GCFC2: variants seen among roughly 807,000 people sequenced by gnomAD.
GCFC2 encodes intron Large complex component GCFC2.
A neutral mutation model predicts 99.4 loss-of-function variants in GCFC2; 102 were observed. The observed-to-expected ratio is 1.03, with a 90% confidence interval of 0.87 to 1.21. GCFC2 has a LOEUF of 1.21. Ranked by LOEUF, GCFC2 falls within the 50% of genes most tolerant of loss-of-function variation. The probability of loss-of-function intolerance (pLI) is 0.00; values close to 1 mark genes in which losing one functional copy is unlikely to be tolerated. For synonymous variants in GCFC2, 338 were observed against 316.8 expected, an observed-to-expected ratio of 1.07 and a Z score of -0.71; for missense variants, 973 against 920.9, an observed-to-expected ratio of 1.06 and a Z score of -0.73.
chr2:75,698,452 T>C (rs897308808), intron 4 of GCFC2, among the ~76,000 whole-genome samples: 11 of 152,206 alleles, frequency 7.2e-5, no homozygotes, highest in Non-Finnish European at 1.6e-4. Context: ...TGGTTAAGAT[T>C]ATGATTCAGT....
rs569656069 is a variant in GCFC2, at chr2:75,694,463, T to C, written c.834-36A>G. ...AAAATAAAAATTAGTTTATTTTTCA[T>C]ACTCTTTTAAAAGTAGCAATCTAAT... On this transcript the variant is annotated intron_variant, in intron 5 of 16. Coordinates refer to ENST00000321027, the MANE Select transcript of GCFC2 (RefSeq NM_003203.5). 6 of 846,936 alleles carry C rather than the reference T, an allele frequency of 7.1e-6. No homozygotes were observed. The East Asian group carries it at 9.0e-5, about 13-fold the overall frequency. 52.5% of individuals were successfully genotyped at this position (846,936 alleles called of 1,614,324 possible).
Position 75,664,730 on chromosome 2 carries a change from T to G in GCFC2, c.2282A>C (p.Gln761Pro). ...ATGCTCTCCTATGAAGGATTCTGCT[T>G]GATTCAAAGCTTTTATTTTCACCAA... Reference protein sequence around the residue: ...LILVKIKALNQAESFIGEHHL... With the variant: ...LILVKIKALNPAESFIGEHHL... The change falls in exon 17 of 17, where the codon CAA becomes CCA. Residue 761 changes from glutamine to proline, a missense_variant. Coordinates refer to ENST00000321027, the MANE Select transcript of GCFC2 (RefSeq NM_003203.5). 1 of 1,577,350 alleles carries G rather than the reference T, an allele frequency of 6.3e-7. No homozygotes were observed.
intron 1 of GCFC2, among the ~76,000 whole-genome samples, chr2:75,707,118 A>G (rs1245975416): frequency 2.0e-5 from 3 of 152,186 alleles, no homozygotes; most frequent in Non-Finnish European, 4.4e-5. Context: ...AAGAACACCA[A>G]CTCGGGCAGT....
At chr2:75,676,754 T>C (rs1411281706) in intron 12 of GCFC2, among the ~76,000 whole-genome samples, 1 of 152,224 alleles carries the variant, frequency 6.6e-6, no homozygotes, top group Non-Finnish European at 1.5e-5. Flanking sequence ...TTTACTTATA[T>C]AGTTGAATTT....
chr2:75,689,172 A>G lies in GCFC2; in HGVS notation c.1393T>C (p.Cys465Arg), dbSNP rs781555553. The G allele has an allele frequency of 2.5e-5, 40 of 1,605,590 alleles. No homozygotes were observed. The highest frequency in any genetic ancestry group is 3.3e-5 in the Non-Finnish European group (39 of 1,174,340). The change falls in exon 10 of 17, where the codon TGT becomes CGT. Residue 465 changes from cysteine (C) to arginine (R), a missense_variant. Cys to Arg is a radical substitution (Grantham distance 180). Transcript: ENST00000321027. ...TTCAACAAAATATTCTGGATGTTACAAAAATCATCTTGCACTTCTTCAAAA... is the reference window on the plus strand; with the variant it reads ...TTCAACAAAATATTCTGGATGTTACGAAAATCATCTTGCACTTCTTCAAAA... ...KVFEEVQDDF[C>R]NIQNILLKFQ...
chr2:75,710,512 A>G (rs1378211239), intron 1 of GCFC2, 79 bp downstream of exon 1: 1 of 1,413,632 alleles, frequency 7.1e-7, no homozygotes, highest in Non-Finnish European at 9.2e-7. Context: ...TAGAACCCCC[A>G]GAGAAGGATC....
intron 2 of GCFC2, among the ~76,000 whole-genome samples, chr2:75,705,396 G>A (rs930494711): frequency 3.3e-5 from 5 of 151,838 alleles, no homozygotes; most frequent in Non-Finnish European, 7.4e-5. Flanking sequence ...GTCCGAGGTG[G>A]GCAGATCAAG....
chr2:75,712,626 A>G (rs769509821), upstream of GCFC2, among the ~76,000 whole-genome samples: 26 of 152,084 alleles, frequency 1.7e-4, no homozygotes, highest in Admixed American at 1.0e-3. Context: ...TTTGCAATAA[A>G]TCTTGCTACT....
At chr2:75,683,771 C>CAAAAAAAAAAAAAAAAAAAA (rs749580096) in intron 11 of GCFC2, among the ~76,000 whole-genome samples, 53 of 60,342 alleles carry the variant, frequency 8.8e-4, no homozygotes, top group Admixed American at 2.5e-3. Context: ...AAATGGAAAG[C>CAAAAAAAAAAAAAAAAAAAA]AAAAAAAAAA....
At chr2:75,664,993 T>A (rs938296223) in intron 16 of GCFC2, among the ~76,000 whole-genome samples, 1 of 152,114 alleles carries the variant, frequency 6.6e-6, no homozygotes, top group African/African-American at 2.4e-5. Context: ...TCTGGCAAAT[T>A]TCAATGTGAA....
chr2:75,687,680 C>A, intron 11 of GCFC2, 147 bp downstream of exon 11: 1 of 660,394 alleles, frequency 1.5e-6, no homozygotes. Context: ...AACCACCTTA[C>A]ATTTGACAGC....
chr2:75,711,029 G>A (rs542592350), upstream of GCFC2: 2,551 of 1,337,926 alleles, frequency 1.9e-3, 17 homozygotes, highest in Middle Eastern at 0.016. Context: ...TGGCTCCCTG[G>A]ATCTGGTAGG....
chr2:75,692,720 T>G (rs1680142127), intron 6 of GCFC2, among the ~76,000 whole-genome samples: 1 of 152,046 alleles, frequency 6.6e-6, no homozygotes, highest in Non-Finnish European at 1.5e-5. Flanking sequence ...TAGAAGATTT[T>G]TTTTTGAGAC....
In GCFC2 at chr2:75,710,760, C is replaced by G; in HGVS notation, c.96G>C (p.Pro32=). The G allele has an allele frequency of 2.6e-6, 4 of 1,568,188 alleles. No homozygotes were observed. Among genetic ancestry groups the G allele is most frequent in the Non-Finnish European group, 3.4e-6 (4 of 1,161,390 alleles). The change falls in exon 1 of 17, where the codon CCG becomes CCC. Residue 32 remains proline (P), a synonymous_variant. Coordinates refer to ENST00000321027, the MANE Select transcript of GCFC2 (RefSeq NM_003203.5). ...CAGAACCCGGGACCGGAAGTTCCCTCGGCGCCCCAGGCTCAGCAGGCGACT... is the reference window on the plus strand; with the variant it reads ...CAGAACCCGGGACCGGAAGTTCCCTGGGCGCCCCAGGCTCAGCAGGCGACT... ...AEESPAEPGA[P]RELPVPGSAE...
At position 75,687,936 on chromosome 2, in the gene GCFC2, A is replaced by G; in HGVS notation, c.1581T>C (p.Ser527=). The change falls in exon 11 of 17, where the codon TCT becomes TCC. Residue 527 remains serine (S), a synonymous_variant. Coordinates refer to ENST00000321027, the MANE Select transcript of GCFC2 (RefSeq NM_003203.5). ...TGLKEMPWFK[S]VEEFMDSSVE... is the part of the protein sequence containing the mutation. Reference sequence around the variant, plus strand: ...CACTGCTATCCATAAATTCTTCTACAGATTTGAACCATGGCATCTCTTTTA... The same window carrying G: ...CACTGCTATCCATAAATTCTTCTACGGATTTGAACCATGGCATCTCTTTTA... The G allele has an allele frequency of 1.2e-6, 2 of 1,601,038 alleles. No individual in the cohort carries two copies. The highest frequency in any genetic ancestry group is 1.3e-5 in the African/African-American group (1 of 74,322).
At position 75,685,981 on chromosome 2, in the gene GCFC2, A is replaced by G. The variant is rs534260396; in HGVS notation, c.1690+1846T>C. Among the ~76,000 whole-genome samples, 275 of 152,282 alleles carry G rather than the reference A, an allele frequency of 1.8e-3. 1 individual carries two copies. Among genetic ancestry groups the G allele is most frequent in the African/African-American group, 6.2e-3 (258 of 41,558 alleles). On this transcript the variant is annotated intron_variant, in intron 11 of 16. Transcript: ENST00000321027. ...GATTCCTCTCTTTCTCTCTTGCTGC[A>G]CAACCAATCCATTAGCACATTCTGT... is the stretch of plus-strand genomic sequence containing the variant.
chr2:75,682,292 C>T (rs1012866994), intron 11 of GCFC2, among the ~76,000 whole-genome samples: 1 of 151,888 alleles, frequency 6.6e-6, no homozygotes, highest in African/African-American at 2.4e-5. Context: ...GCTGGTGATA[C>T]CCAGGCAAAC....
Position 75,710,615 on chromosome 2 carries a change from C to A in GCFC2, c.241G>T (p.Ala81Ser). Residue 81 changes from alanine (A) to serine (S), a missense_variant, in exon 1 of 17, where the codon GCT (alanine) becomes TCT (serine). Physicochemically the swap from Ala to Ser is moderately conservative, Grantham distance 99 (BLOSUM62 1). Coordinates refer to ENST00000321027, the MANE Select transcript of GCFC2 (RefSeq NM_003203.5). Reference sequence around the variant, plus strand: ...CCTGAGCCTTCGTCCGCGCGGGGAGCCGCTTTGGTGGCACGCCGGGAGCTC... The same window carrying A: ...CCTGAGCCTTCGTCCGCGCGGGGAGACGCTTTGGTGGCACGCCGGGAGCTC... ...WASSRRATKA[A>S]PRADEGSESR... 3 of 1,514,440 alleles carry A rather than the reference C, an allele frequency of 2.0e-6. No homozygotes were observed. Among genetic ancestry groups the A allele is most frequent in the Non-Finnish European group, 2.6e-6 (3 of 1,138,264 alleles). 93.8% of individuals were successfully genotyped at this position (1,514,440 alleles called of 1,614,324 possible).
At chr2:75,668,186 G>A (rs1419466833) in intron 15 of GCFC2, among the ~76,000 whole-genome samples, 3 of 151,794 alleles carry the variant, frequency 2.0e-5, no homozygotes, top group Non-Finnish European at 4.4e-5. Context: ...TTTGTACCAG[G>A]GCCCACTTAA....
Sources: gnomAD v4.1 joint callset for allele counts (sites outside exome capture counted in the v4.1 genomes callset) on GRCh38, gnomAD v4.1.1 for gene constraint, MANE v1.5 for transcripts, NCBI Gene and HGNC (gene_info 2026-07-23, HGNC 2026-07-21) for gene names.